EML1: variants seen among roughly 807,000 people sequenced by gnomAD.
EML1 encodes EMAP like 1.
Under a neutral mutation model 110.4 loss-of-function variants are expected in EML1, and 27 were observed. The ratio of observed to expected loss-of-function variants is 0.24; its 90% confidence interval spans 0.18 to 0.34. The LOEUF (loss-of-function observed/expected upper bound fraction) is 0.34. Ranked by LOEUF, EML1 falls within the 10% of genes least tolerant of loss-of-function variation. EML1 has a pLI of 1.00. For missense variants in EML1, 741 were observed against 1,030.9 expected (o/e 0.72, Z 3.85); for synonymous variants, 344 against 385.8 (o/e 0.89, Z 1.27).
upstream of EML1, among the ~76,000 whole-genome samples, chr14:99,770,909 C>T (rs573471355): frequency 2.0e-5 from 3 of 151,328 alleles, no homozygotes; most frequent in African/African-American, 4.8e-5. Context: ...CTCAGCCTCC[C>T]GAGTAGCTGG....
intron 9 of EML1, among the ~76,000 whole-genome samples, chr14:99,902,643 G>A (rs557390732): frequency 1.3e-5 from 2 of 152,264 alleles, no homozygotes; most frequent in East Asian, 3.9e-4. Context: ...TTTCACATAG[G>A]CTTTTTAAAT....
At chr14:99,878,230 G>A (rs575771203) in intron 3 of EML1, among the ~76,000 whole-genome samples, 4 of 152,184 alleles carry the variant, frequency 2.6e-5, no homozygotes, top group South Asian at 2.1e-4. Context: ...GCTCTCACAC[G>A]GTACTGTTGA....
chr14:99,789,867 TA>T (rs2057644047), upstream of EML1, among the ~76,000 whole-genome samples: 1 of 152,218 alleles, frequency 6.6e-6, no homozygotes. Flanking sequence ...GCTCAGGATA[TA>T]AATTAACTCA....
chr14:99,818,807 C>T (rs1015913417), intron 1 of EML1, among the ~76,000 whole-genome samples: 1 of 152,138 alleles, frequency 6.6e-6, no homozygotes, highest in Admixed American at 6.5e-5. Flanking sequence ...AAGCAAGCCA[C>T]GGGTTTTAGG....
At chr14:99,878,868 A>G (rs540914623) in intron 4 of EML1, among the ~76,000 whole-genome samples, 6 of 152,354 alleles carry the variant, frequency 3.9e-5, no homozygotes, top group African/African-American at 1.4e-4. Context: ...TCATGTAGAC[A>G]TAAGTAGTTC....
intron 1 of EML1, among the ~76,000 whole-genome samples, chr14:99,799,614 A>T (rs769038510): frequency 6.6e-6 from 1 of 152,224 alleles, no homozygotes; most frequent in South Asian, 2.1e-4. Flanking sequence ...TCCAGCCAGG[A>T]AGGAACTTAT....
Position 99,866,283 on chromosome 14 carries a change from A to G in EML1, c.383+637A>G, listed in dbSNP as rs570972740. On this transcript the variant is annotated intron_variant, in intron 3 of 21. Transcript: ENST00000262233. ...ACCATTTTTAAGTGTAGAGTTCAGT[A>G]GTGCTGGCCGGGCTTGGTGGCTCAT... Among the ~76,000 whole-genome samples the G allele has an allele frequency of 2.1e-3, 316 of 152,174 alleles. 1 individual carries two copies. The highest frequency in any genetic ancestry group is 2.9e-3 in the Non-Finnish European group (194 of 68,000).
Position 99,749,901 on chromosome 14 carries a change from C to T in EML1, c.28+12041C>T, listed in dbSNP as rs558127351. On this transcript the variant is annotated intron_variant, in intron 1 of 10. Transcript: ENST00000554479. Reference sequence around the variant, plus strand: ...CTCATGGGGAATTATTGGGCCTCTGCCCCTTGGCTGCTCCCCGATGGGGTG... The same window carrying T: ...CTCATGGGGAATTATTGGGCCTCTGTCCCTTGGCTGCTCCCCGATGGGGTG... Among the ~76,000 whole-genome samples, 27 of 152,358 alleles carry T rather than the reference C, an allele frequency of 1.8e-4. No individual in the cohort carries two copies. In the East Asian group the frequency reaches 4.8e-3, roughly 27 times the overall value.
rs145918424 is a variant in EML1, at chr14:99,940,007, C to T, written c.2343C>T (p.Gly781=). The change falls in exon 22 of 22, where the codon GGC becomes GGT. Residue 781 remains glycine, a synonymous_variant. Transcript: ENST00000262233. ...TCCAGGCTCCAAGCCACATCTACGG[C>T]GGGCACAGCAGCCATGTCACCAATG... is the stretch of plus-strand genomic sequence containing the variant. ...SQFRAPSHIY[G]GHSSHVTNVD... The T allele has an allele frequency of 8.8e-6, 14 of 1,583,600 alleles. No individual in the cohort carries two copies. The highest frequency in any genetic ancestry group is 2.3e-5 in the East Asian group (1 of 44,046).
chr14:99,792,762 G>A (rs2057691247), upstream of EML1: 1 of 152,310 alleles, frequency 6.6e-6, no homozygotes, highest in South Asian at 2.1e-4. Context: ...CCCAGTGTGA[G>A]CGAAGGTTCG....
chr14:99,938,332 A>G (rs1433915006), intron 20 of EML1, among the ~76,000 whole-genome samples: 1 of 152,222 alleles, frequency 6.6e-6, no homozygotes, highest in African/African-American at 2.4e-5. Context: ...TCATAAGTGA[A>G]CTAAATTAAA....
chr14:99,902,843 G>C (rs1210136418), intron 9 of EML1, among the ~76,000 whole-genome samples: 5 of 152,154 alleles, frequency 3.3e-5, no homozygotes, highest in Admixed American at 3.3e-4. Context: ...CACAGATCAG[G>C]AACCCTGTAC....
intron 1 of EML1, among the ~76,000 whole-genome samples, chr14:99,803,329 C>G (rs1279729692): frequency 1.3e-5 from 2 of 152,228 alleles, no homozygotes; most frequent in African/African-American, 4.8e-5. Flanking sequence ...CAACGTGTAT[C>G]AATGTGTATA....
intron 2 of EML1, 55 bp from the exon 3 acceptor site, chr14:99,865,459 A>G: frequency 1.9e-6 from 3 of 1,606,744 alleles, no homozygotes; most frequent in Non-Finnish European, 2.6e-6. Context: ...CCTGCTGTAA[A>G]ATGTTACCTT....
chr14:99,909,260 G>C, intron 10 of EML1, 85 bp from the exon 11 acceptor site: 3 of 1,588,414 alleles, frequency 1.9e-6, no homozygotes, highest in Non-Finnish European at 2.6e-6. Context: ...TTATTTATTT[G>C]TGGCTCACAT....
At chr14:99,754,346 A>G (rs1475863383) in intron 1 of EML1, among the ~76,000 whole-genome samples, 1 of 151,816 alleles carries the variant, frequency 6.6e-6, no homozygotes, top group Non-Finnish European at 1.5e-5. Context: ...CTGGCATGCC[A>G]CCTCCCCTGC....
chr14:99,928,215 A>AGG, intron 17 of EML1, among the ~76,000 whole-genome samples: 1 of 3,362 alleles, frequency 3.0e-4, no homozygotes, highest in African/African-American at 2.7e-3. Flanking sequence ...GGTGATGGTG[A>AGG]TGGTGGTGGT....
At chr14:99,795,145 G>A (rs2139667882) in intron 1 of EML1, among the ~76,000 whole-genome samples, 1 of 152,294 alleles carries the variant, frequency 6.6e-6, no homozygotes, top group Non-Finnish European at 1.5e-5. Context: ...ATGAAAATGA[G>A]CCTAGATATT....
At chr14:99,789,793 G>A (rs544998220), upstream of EML1, among the ~76,000 whole-genome samples, 3 of 152,244 alleles carry the variant, frequency 2.0e-5, no homozygotes, top group South Asian at 6.2e-4. Context: ...TAATTCCACT[G>A]AACACTGTGG....
Sources: gnomAD v4.1 joint callset for allele counts (sites outside exome capture counted in the v4.1 genomes callset) on GRCh38, gnomAD v4.1.1 for gene constraint, MANE v1.5 for transcripts, NCBI Gene and HGNC (gene_info 2026-07-23, HGNC 2026-07-21) for gene names.